The following SCAF4 variants were observed in gnomAD, a reference collection of about 807,000 sequenced individuals.
The protein encoded by SCAF4 is SR-related CTD associated factor 4.
Under a neutral mutation model 129.8 loss-of-function variants are expected in SCAF4, and 25 were observed. The ratio of observed to expected loss-of-function variants is 0.19; its 90% CI spans 0.14 to 0.27. The LOEUF is 0.27. SCAF4 is among the 10% of genes least tolerant of loss of function. The pLI, the probability that SCAF4 is intolerant of heterozygous loss-of-function variation, is 1.00. For synonymous variants in SCAF4, 551 were observed against 497.7 expected (o/e 1.11, Z -1.43); for missense variants, 1,246 against 1,457.1 (o/e 0.86, Z 2.36).
At chr21:31,720,767 T>C (rs571246269) in intron 1 of SCAF4, among the ~76,000 whole-genome samples, 2 of 152,260 alleles carry the variant, frequency 1.3e-5, no homozygotes, top group East Asian at 3.8e-4. Flanking sequence ...TCTTTTCTTG[T>C]CCTTCCCTTA....
At chr21:31,723,632 G>T (rs577101876) in intron 1 of SCAF4, among the ~76,000 whole-genome samples, 1 of 119,448 alleles carries the variant, frequency 8.4e-6, no homozygotes, top group Non-Finnish European at 2.0e-5. Context: ...GTGTGTGTGC[G>T]CGCGCGCGCG....
At chr21:31,727,858 G>A (rs1043178704) in intron 1 of SCAF4, among the ~76,000 whole-genome samples, 3 of 151,830 alleles carry the variant, frequency 2.0e-5, no homozygotes, top group Non-Finnish European at 4.4e-5. Flanking sequence ...ACATTCAGAA[G>A]TATATAAACT....
At chr21:31,718,772 G>A (rs777992324) in intron 1 of SCAF4, among the ~76,000 whole-genome samples, 13 of 152,108 alleles carry the variant, frequency 8.5e-5, no homozygotes, top group Non-Finnish European at 2.9e-5. Context: ...CAACAAAACC[G>A]CACATAATAT....
At chr21:31,675,789 A>C (rs1336614440) in intron 19 of SCAF4, among the ~76,000 whole-genome samples, 1 of 152,236 alleles carries the variant, frequency 6.6e-6, no homozygotes, top group African/African-American at 2.4e-5. Flanking sequence ...CAGTTGATTT[A>C]CAATTACAAA....
At chr21:31,706,820 A>G in intron 1 of SCAF4, 1 of 235,864 alleles carries the variant, frequency 4.2e-6, no homozygotes, top group Non-Finnish European at 8.6e-6. Flanking sequence ...ACTAAAACCA[A>G]TGAGAGTCCA....
rs560133020 is a variant in SCAF4 at position 31,709,854 on chromosome 21, T to TA, written c.31-3498dup. Among the ~76,000 whole-genome samples, 868 of 135,576 alleles carry TA rather than the reference T, an allele frequency of 6.4e-3. 5 individuals are homozygous for TA. The highest frequency in any genetic ancestry group is 0.017 in the East Asian group (80 of 4,682). The allele number at this position is 135,576 out of a possible 152,430, so 88.9% of individuals were successfully genotyped here. On this transcript the variant is annotated intron_variant, in intron 1 of 19. Transcript: ENST00000286835. ...GTTACACCTGTTTTGAGATGATACTTAAAAAAAAAAAAAAAGGGTCATATC... is the reference window on the plus strand; with the variant it reads ...GTTACACCTGTTTTGAGATGATACTTAAAAAAAAAAAAAAAAGGGTCATATC...
At chr21:31,672,886 C>T (rs912503900) in intron 19 of SCAF4, among the ~76,000 whole-genome samples, 3 of 152,220 alleles carry the variant, frequency 2.0e-5, no homozygotes, top group Admixed American at 6.5e-5. Flanking sequence ...TATTAAAATG[C>T]CTCATGCAGT....
At chr21:31,672,377 A>T in intron 19 of SCAF4, 23 bp from the exon 20 acceptor site, 2 of 1,563,302 alleles carry the variant, frequency 1.3e-6, no homozygotes, top group South Asian at 2.2e-5. Flanking sequence ...AAAAATAAAA[A>T]TGTAAACACC....
In SCAF4 at chr21:31,671,807, G is replaced by A. The variant is rs1274156413; in HGVS notation, c.3036C>T (p.Asp1012=). The A allele has an allele frequency of 2.5e-6, 4 of 1,613,930 alleles. No individual in the cohort carries two copies. In the East Asian group the frequency reaches 8.9e-5, roughly 36 times the overall value. ...CATTACGGTTCCCATACCGTTCCCG[G>A]TCATTTTCCACCCTATTTCCAAAAG... ...RRSFGNRVEN[D]RERYGNRNDD... The change falls in exon 20 of 20, where the codon GAC becomes GAT. Residue 1012 remains aspartate (D), a synonymous_variant. Coordinates refer to ENST00000286835, the MANE Select transcript of SCAF4 (RefSeq NM_020706.2).
intron 1 of SCAF4, among the ~76,000 whole-genome samples, chr21:31,726,592 G>A (rs1354697536): frequency 6.6e-6 from 1 of 152,196 alleles, no homozygotes; most frequent in African/African-American, 2.4e-5. Flanking sequence ...TTGAGCCCAG[G>A]AGGCGGAGGT....
Position 31,672,101 on chromosome 21 carries a change from G to C in SCAF4, c.2742C>G (p.Pro914=). Residue 914 remains proline, a synonymous_variant, in exon 20 of 20, where the codon CCC becomes CCG. Coordinates refer to ENST00000286835, the MANE Select transcript of SCAF4 (RefSeq NM_020706.2). The part of the protein sequence containing the change: ...GMKGPFPPHG[P]FVRPGGMPGL... ...CTGGCATTCCACCAGGCCTAACAAA[G>C]GGGCCATGCGGTGGGAAGGGACCTT... 6.2e-7 allele frequency: 1 copy of C among 1,612,714 alleles called. No homozygotes were observed. The highest frequency in any genetic ancestry group is 8.5e-7 in the Non-Finnish European group (1 of 1,178,874).
At chr21:31,680,717 G>C (rs1175310256) in intron 19 of SCAF4, among the ~76,000 whole-genome samples, 1 of 152,124 alleles carries the variant, frequency 6.6e-6, no homozygotes, top group Non-Finnish European at 1.5e-5. Context: ...TAATGTCAGT[G>C]GCTAACTAGT....
At chr21:31,673,654 T>G (rs899559495) in intron 19 of SCAF4, among the ~76,000 whole-genome samples, 1 of 152,262 alleles carries the variant, frequency 6.6e-6, no homozygotes, top group Non-Finnish European at 1.5e-5. Flanking sequence ...GGGAAATATT[T>G]ACCGAGTATA....
intron 7 of SCAF4, among the ~76,000 whole-genome samples, chr21:31,698,556 C>A (rs953763879): frequency 6.6e-6 from 1 of 152,170 alleles, no homozygotes. Flanking sequence ...TACAGTCAAA[C>A]ACTAATCTAG....
chr21:31,696,443 A>C, intron 8 of SCAF4, 126 bp downstream of exon 8: 1 of 1,057,230 alleles, frequency 9.5e-7, no homozygotes, highest in Non-Finnish European at 1.3e-6. Flanking sequence ...TCAAGAGAAA[A>C]CTAATACCAC....
intron 14 of SCAF4, 133 bp from the exon 15 acceptor site, chr21:31,691,086 C>G: frequency 1.6e-6 from 1 of 623,248 alleles, no homozygotes; most frequent in Admixed American, 3.3e-5. Flanking sequence ...AGGCTTGGAT[C>G]TCATTCAAAG....
chr21:31,701,063 T>C lies in SCAF4; in HGVS notation c.709A>G (p.Thr237Ala). 4 of 1,613,960 alleles carry C rather than the reference T, an allele frequency of 2.5e-6. No homozygotes were observed. Among genetic ancestry groups the C allele is most frequent in the Non-Finnish European group, 2.5e-6 (3 of 1,179,986 alleles). ...VQAITAQLKT[T>A]PTQPSEQKAA... ...TTTTGTTCAGATGGTTGTGTAGGAG[T>C]TGTCTTTAACTGAGCTGTGATAGCC... The change falls in exon 7 of 20, where the codon ACT becomes GCT. Residue 237 changes from threonine to alanine, a missense_variant. By Grantham distance (58) the Thr-to-Ala change is moderately conservative (BLOSUM62 0). Coordinates refer to ENST00000286835, the MANE Select transcript of SCAF4 (RefSeq NM_020706.2).
chr21:31,698,891 A>G (rs1426491480), intron 7 of SCAF4, among the ~76,000 whole-genome samples: 1 of 152,232 alleles, frequency 6.6e-6, no homozygotes, highest in African/African-American at 2.4e-5. Context: ...CAGTTTCTTA[A>G]GATAAATCTA....
chr21:31,703,257 A>G (rs1028378688), intron 4 of SCAF4, among the ~76,000 whole-genome samples: 1 of 152,100 alleles, frequency 6.6e-6, no homozygotes, highest in African/African-American at 2.4e-5. Context: ...ACACAAGCAC[A>G]TCTTTCCAAC....
Sources: allele counts gnomAD v4.1 joint callset (sites outside exome capture counted in the v4.1 genomes callset), GRCh38; gene constraint gnomAD v4.1.1; transcripts MANE v1.5; gene names NCBI Gene and HGNC (gene_info 2026-07-23, HGNC 2026-07-21).